PALD1: variants seen among roughly 807,000 people sequenced by gnomAD.
PALD1 encodes the protein paladin.
In PALD1, 57 loss-of-function variants were observed where a neutral mutation model predicts 96.0. The ratio of observed to expected loss-of-function variants is 0.59; its 90% CI spans 0.48 to 0.74. The LOEUF is 0.74. PALD1 is among the 30% of genes least tolerant of loss of function. The probability of loss-of-function intolerance (pLI) is 0.00; values close to 1 mark genes in which losing one functional copy is unlikely to be tolerated. For missense variants in PALD1, 1,063 were observed against 1,143.7 expected (o/e 0.93, Z 1.02); for synonymous variants, 464 against 473.6 (o/e 0.98, Z 0.26).
chr10:70,508,776 CTGTA>C (rs1846446445), intron 1 of PALD1, among the ~76,000 whole-genome samples: 2 of 96,310 alleles, frequency 2.1e-5, no homozygotes, highest in South Asian at 3.7e-4. Flanking sequence ...GGTTTCGACT[CTGTA>C]TGGCGTGTGT....
At chr10:70,473,362 A>G in the PALD1 span, among the ~76,000 whole-genome samples, 338 of 152,348 alleles carry the variant, frequency 2.2e-3, 3 homozygotes, top group African/African-American at 7.8e-3. Context: ...AGTCAGGCAC[A>G]TAGTGGGCAC....
At position 70,540,408 on chromosome 10, in the gene PALD1, G is replaced by A. The variant is rs1847217103; in HGVS notation, c.1908+646G>A. Among the ~76,000 whole-genome samples, 1 of 151,712 alleles carries A rather than the reference G, an allele frequency of 6.6e-6. No individual in the cohort carries two copies. Among genetic ancestry groups the A allele is most frequent in the Non-Finnish European group, 1.5e-5 (1 of 67,906 alleles). On this transcript the variant is annotated intron_variant, in intron 15 of 19. Coordinates refer to ENST00000263563, the MANE Select transcript of PALD1 (RefSeq NM_014431.3). This position sits in a 1 kb window ranked among gnomAD's most constrained non-coding sequence, Gnocchi z 4.2. ...GGTGTGTGGTAGGGTTTGTGGAGGG[G>A]TCGTTAGGAATGTGTGTGTGTGGCA...
At position 70,539,623 on chromosome 10, in the gene PALD1, C is replaced by A; in HGVS notation, c.1769C>A (p.Pro590Gln). Residue 590 changes from proline (P) to glutamine (Q), a missense_variant, in exon 15 of 20, where the codon CCA becomes CAA. Pro to Gln is a moderately conservative substitution (Grantham distance 76). Coordinates refer to ENST00000263563, the MANE Select transcript of PALD1 (RefSeq NM_014431.3). This position sits in a 1 kb window ranked among gnomAD's most constrained non-coding sequence, Gnocchi z 4.5. ...AAGGCCCATCTAAGCGAGCCTCCCC[C>A]AGGCAAGGAGGGCCCCCTGACCTAC... ...QLKAHLSEPP[P>Q]GKEGPLTYRF... 38 of 1,613,020 alleles carry A rather than the reference C, an allele frequency of 2.4e-5. No homozygotes were observed. The highest frequency in any genetic ancestry group is 3.2e-5 in the Non-Finnish European group (38 of 1,179,520).
At chr10:70,504,064 C>G (rs1395486348) in intron 1 of PALD1, among the ~76,000 whole-genome samples, 1 of 152,198 alleles carries the variant, frequency 6.6e-6, no homozygotes, top group Non-Finnish European at 1.5e-5. Context: ...GTGTCTGCAC[C>G]TGCAAAAATG....
intron 1 of PALD1, among the ~76,000 whole-genome samples, chr10:70,508,750 G>T (rs1195396276): frequency 7.0e-6 from 1 of 142,588 alleles, no homozygotes; most frequent in Non-Finnish European, 1.5e-5. Flanking sequence ...TAAGATACAC[G>T]TGGGTGCCCA....
chr10:70,539,507 C>G lies in PALD1; in HGVS notation c.1726-73C>G. ...AAGCCAGGGCCAGGCCTGGCCATGG[C>G]AGGCTGTGGCCTTTCAGGGCTAGCC... On this transcript the variant is annotated intron_variant, in intron 14 of 19. Transcript: ENST00000263563. The surrounding 1 kb of genome is among the most constrained non-coding windows in gnomAD (Gnocchi z 4.5). 1 of 1,378,950 alleles carries G rather than the reference C, an allele frequency of 7.3e-7. No homozygotes were observed. Among genetic ancestry groups the G allele is most frequent in the South Asian group, 1.4e-5 (1 of 71,326 alleles). 85.4% of individuals were successfully genotyped at this position (1,378,950 alleles called of 1,614,324 possible).
chr10:70,471,423 C>T, the PALD1 span, among the ~76,000 whole-genome samples: 1 of 152,214 alleles, frequency 6.6e-6, no homozygotes, highest in Admixed American at 6.5e-5. Flanking sequence ...CTGAGGCTGC[C>T]TCCAGCACCC....
At chr10:70,525,780 C>T (rs1047564642) in intron 1 of PALD1, 143 bp from the exon 2 acceptor site, 42 of 648,460 alleles carry the variant, frequency 6.5e-5, no homozygotes, top group East Asian at 1.1e-4. Context: ...CTGGGCCCCA[C>T]GGTGTAGGAG....
chr10:70,498,083 C>G (rs888249261), intron 1 of PALD1, among the ~76,000 whole-genome samples: 3 of 152,070 alleles, frequency 2.0e-5, no homozygotes, highest in Admixed American at 1.3e-4. Context: ...TAACTCCCCA[C>G]TCCCTCTCCT....
chr10:70,488,411 A>G (rs10999351), intron 1 of PALD1, among the ~76,000 whole-genome samples: 94,650 of 152,184 alleles, frequency 0.62, 32,509 homozygotes, highest in Non-Finnish European at 0.79. Flanking sequence ...GTAAGCCACC[A>G]TGCCTGGCCT....
At chr10:70,517,865 T>C (rs1846650086) in intron 1 of PALD1, among the ~76,000 whole-genome samples, 2 of 152,168 alleles carry the variant, frequency 1.3e-5, no homozygotes, top group South Asian at 4.1e-4. Flanking sequence ...CCCATATTGT[T>C]GTGTCTATCT....
chr10:70,554,321 C>T (rs890765630), intron 18 of PALD1, among the ~76,000 whole-genome samples: 6 of 152,088 alleles, frequency 3.9e-5, no homozygotes, highest in East Asian at 1.9e-4. Context: ...CCCAGCTACT[C>T]GGGAGGCTGA....
chr10:70,557,107 A>G (rs1847627364), intron 18 of PALD1, among the ~76,000 whole-genome samples: 1 of 152,234 alleles, frequency 6.6e-6, no homozygotes, highest in African/African-American at 2.4e-5. Context: ...GCCCTGGGTC[A>G]GGGGTTGGAA....
At chr10:70,466,289 A>G in the PALD1 span, among the ~76,000 whole-genome samples, 560 of 151,858 alleles carry the variant, frequency 3.7e-3, 3 homozygotes, top group African/African-American at 0.012. Context: ...TCTGTCGCTC[A>G]GGCTGGAGTG....
chr10:70,545,322 G>A (rs1405873730), intron 17 of PALD1, among the ~76,000 whole-genome samples: 1 of 152,094 alleles, frequency 6.6e-6, no homozygotes, highest in African/African-American at 2.4e-5. Flanking sequence ...TATACAACAT[G>A]GGTTCACATT....
At chr10:70,518,178 A>G (rs1846655329) in intron 1 of PALD1, among the ~76,000 whole-genome samples, 1 of 152,250 alleles carries the variant, frequency 6.6e-6, no homozygotes, top group African/African-American at 2.4e-5. Context: ...CTGGGATTAC[A>G]GGCGAGAGCC....
chr10:70,525,554 G>T (rs60486660), intron 1 of PALD1, among the ~76,000 whole-genome samples: 5,806 of 151,934 alleles, frequency 0.038, 355 homozygotes, highest in African/African-American at 0.13. Flanking sequence ...AGCCTGAAAG[G>T]TCTGGCCTTT....
intron 5 of PALD1, 126 bp from the exon 6 acceptor site, chr10:70,532,495 C>T (rs535061702): frequency 1.5e-5 from 14 of 927,424 alleles, no homozygotes; most frequent in Non-Finnish European, 2.3e-5. Flanking sequence ...GTGTAGTTCC[C>T]TCATGGGGGG....
chr10:70,545,615 T>G (rs1450597418), intron 17 of PALD1, among the ~76,000 whole-genome samples: 1 of 152,014 alleles, frequency 6.6e-6, no homozygotes, highest in Non-Finnish European at 1.5e-5. Flanking sequence ...CTTTTTCTTA[T>G]TACTCAGAGA....
Sources: allele counts gnomAD v4.1 joint callset (sites outside exome capture counted in the v4.1 genomes callset), GRCh38; gene constraint gnomAD v4.1.1; non-coding constraint Gnocchi (gnomAD v3.1); transcripts MANE v1.5; gene names NCBI Gene and HGNC (gene_info 2026-07-23, HGNC 2026-07-21).